Variants in FAM118B observed in about 807,000 individuals in gnomAD.
The protein encoded by FAM118B is SIR2 antiphage like 1, also known as protein FAM118B.
In FAM118B, 24 loss-of-function variants were observed where a neutral mutation model predicts 38.5. The ratio of observed to expected loss-of-function variants is 0.62; its 90% CI spans 0.45 to 0.88. The LOEUF (loss-of-function observed/expected upper bound fraction) is 0.88, where lower values mean the gene tolerates loss of function less well. FAM118B is among the 40% of genes least tolerant of loss of function. FAM118B has a pLI of 0.00. For missense variants in FAM118B, 334 were observed against 420.0 expected, an observed-to-expected ratio of 0.80 and a Z score of 1.79; for synonymous variants, 138 against 156.3, an observed-to-expected ratio of 0.88 and a Z score of 0.87.
intron 1 of FAM118B, among the ~76,000 whole-genome samples, chr11:126,223,583 G>GA (rs35811458): frequency 0.019 from 2,248 of 118,210 alleles, 50 homozygotes; most frequent in African/African-American, 0.047. Flanking sequence ...GCGAAAGAGC[G>GA]AAAAAAAAAA....
chr11:126,250,385 C>G lies in FAM118B; in HGVS notation c.340-121C>G. ...GGATTACAGGCGTGAGCCACTGCGC[C>G]TGGCCTTTATCTCTGTTTTGAATTC... On this transcript the variant is annotated intron_variant, in intron 4 of 8. Coordinates refer to ENST00000533050, the MANE Select transcript of FAM118B (RefSeq NM_024556.4). The surrounding 1 kb of genome is among the most constrained non-coding windows in gnomAD (Gnocchi z 5.1). 1.5e-6 allele frequency: 1 copy of G among 678,666 alleles called. No homozygotes were observed. Among genetic ancestry groups the G allele is most frequent in the Non-Finnish European group, 2.5e-6 (1 of 399,772 alleles). The allele number at this position is 678,666 out of a possible 1,614,324, so 42.0% of individuals were successfully genotyped here.
chr11:126,233,736 C>G (rs1426847231), intron 2 of FAM118B: 1 of 456,246 alleles, frequency 2.2e-6, no homozygotes, highest in Admixed American at 2.4e-5. Context: ...GGATGTGAGC[C>G]TTCTGTTTAC....
Position 126,244,515 on chromosome 11 carries a change from T to C in FAM118B, c.339+3471T>C, listed in dbSNP as rs1950397150. The stretch of plus-strand genomic sequence containing the variant: ...CTAGGAATAAATTTAACGAAAGAAG[T>C]ACAGAAGGCTAGGCGTGGTGGCCCA... On this transcript the variant is annotated intron_variant, in intron 4 of 8. Transcript: ENST00000533050. The surrounding 1 kb of genome is among the most constrained non-coding windows in gnomAD (Gnocchi z 4.5). Among the ~76,000 whole-genome samples the C allele has an allele frequency of 6.6e-6, 1 of 152,162 alleles. No individual in the cohort carries two copies. The highest frequency in any genetic ancestry group is 1.9e-4 in the East Asian group (1 of 5,200).
intron 4 of FAM118B, among the ~76,000 whole-genome samples, chr11:126,249,656 G>A (rs893919545): frequency 1.3e-5 from 2 of 150,970 alleles, no homozygotes; most frequent in Non-Finnish European, 2.9e-5. Flanking sequence ...GCTTGAACCT[G>A]GCGGGGCGGA....
Position 126,250,615 on chromosome 11 carries a change from T to G in FAM118B, c.449T>G (p.Leu150Arg). ...GGAAAACAGCTACTTCAGTCAGTTC[T>G]CCACCTGATGGAAAATGGAGCCCTC... ...DSGKQLLQSV[L>R]HLMENGALVL... Residue 150 changes from leucine (L) to arginine (R), a missense_variant, in exon 5 of 9, where the codon CTC (leucine) becomes CGC (arginine). By Grantham distance (102) the Leu-to-Arg change is moderately radical. This residue lies in a region of FAM118B where 240 missense variants were observed against 295.9 expected (regional missense o/e 0.81). Transcript: ENST00000533050. This position sits in a 1 kb window ranked among gnomAD's most constrained non-coding sequence, Gnocchi z 5.1. The G allele has an allele frequency of 1.2e-6, 2 of 1,614,066 alleles. No individual in the cohort carries two copies. The highest frequency in any genetic ancestry group is 1.7e-6 in the Non-Finnish European group (2 of 1,179,886).
rs145900366 is a variant in FAM118B at position 126,240,905 on chromosome 11, G to A, written c.200G>A (p.Gly67Glu). The A allele has an allele frequency of 1.9e-6, 3 of 1,614,028 alleles. No individual in the cohort carries two copies. The African/African-American group carries it at 4.0e-5, about 22-fold the overall frequency. ...PQVPALKSWK[G>E]LIQALLDAAI... is the part of the protein sequence containing the mutation. ...GTTCCAGCCCTCAAATCCTGGAAGG[G>A]GTTAATTCAGGCCTTACTGGATGCT... Residue 67 changes from glycine (G) to glutamate (E), a missense_variant, in exon 4 of 9, where the codon GGG (glycine) becomes GAG (glutamate). By Grantham distance (98) the Gly-to-Glu change is moderately conservative. Transcript: ENST00000533050.
chr11:126,258,588 AAACT>A (rs1392927946), intron 7 of FAM118B, among the ~76,000 whole-genome samples: 3 of 152,190 alleles, frequency 2.0e-5, no homozygotes, highest in Non-Finnish European at 2.9e-5. Context: ...TCATTTGTGA[AAACT>A]ATTTACTATT....
rs191400953 is a variant in FAM118B, at chr11:126,231,883, T to A, written c.-8+2590T>A. ...AGAAGTATATAACAAATAGTGCTTG[T>A]CACTGGAGAAAGTAGTTTTCCCAGC... On this transcript the variant is annotated intron_variant, in intron 2 of 8. Transcript: ENST00000533050. 3.3e-5 allele frequency among the ~76,000 whole-genome samples: 5 copies of A among 152,334 alleles called. No individual in the cohort carries two copies. The East Asian group carries it at 9.6e-4, about 29-fold the overall frequency.
rs1395394881 is a variant in FAM118B at position 126,211,803 on chromosome 11, T to C, written c.-104T>C. ...GGCTGCGCCGGCCGGTAGCTGCAGC[T>C]GGAGCAGTGGCGTTTGGAGGAGACT... On this transcript the variant is annotated 5_prime_UTR_variant, in exon 1 of 9. Coordinates refer to ENST00000533050, the MANE Select transcript of FAM118B (RefSeq NM_024556.4). 1.4e-6 allele frequency: 1 copy of C among 705,970 alleles called. No individual in the cohort carries two copies. The allele number at this position is 705,970 out of a possible 1,614,324, so 43.7% of individuals were successfully genotyped here.
intron 4 of FAM118B, among the ~76,000 whole-genome samples, chr11:126,249,669 T>TTGCAG (rs1310734907): frequency 6.9e-6 from 1 of 144,334 alleles, no homozygotes. Context: ...GGGGCGGAGG[T>TTGCAG]TGCAGTGAGC....
At chr11:126,211,750 T>C, upstream of FAM118B, 1 of 1,265,136 alleles carries the variant, frequency 7.9e-7, no homozygotes, top group East Asian at 2.3e-5. Flanking sequence ...CCTGGGCGAG[T>C]CACGTGGGGA....
rs1046041734 is a variant in FAM118B at position 126,261,330 on chromosome 11, C to T, written c.983-95C>T. 12 of 947,124 alleles carry T rather than the reference C, an allele frequency of 1.3e-5. 1 individual carries two copies. Among genetic ancestry groups the T allele is most frequent in the South Asian group, 2.8e-5 (2 of 70,958 alleles). 58.7% of individuals were successfully genotyped at this position (947,124 alleles called of 1,614,324 possible). On this transcript the variant is annotated intron_variant, in intron 7 of 8. Transcript: ENST00000533050. Reference sequence around the variant, plus strand: ...TTCTAAATGCCCATTCCTTTTCAGTCGTACCATATGTCCTCATCTCCCTTT... The same window carrying T: ...TTCTAAATGCCCATTCCTTTTCAGTTGTACCATATGTCCTCATCTCCCTTT...
In FAM118B at chr11:126,235,093, CAA is replaced by C. The variant is rs763331324; in HGVS notation, c.86+7_86+8del. 5 of 1,613,016 alleles carry C rather than the reference CAA, an allele frequency of 3.1e-6. No homozygotes were observed. Among genetic ancestry groups the C allele is most frequent in the Non-Finnish European group, 3.4e-6 (4 of 1,179,350 alleles). ...CCTCCCACCAAAAAGCCCAGGTAAACAAGAGAAGGGAATCAGCAGAGTAAATT... is the reference window on the plus strand; with the variant it reads ...CCTCCCACCAAAAAGCCCAGGTAAACGAGAAGGGAATCAGCAGAGTAAATT... On this transcript the variant is annotated splice_region_variant and intron_variant, in intron 3 of 8. Coordinates refer to ENST00000533050, the MANE Select transcript of FAM118B (RefSeq NM_024556.4).
chr11:126,256,785 T>C lies in FAM118B; in HGVS notation c.915T>C (p.Asp305=). The C allele has an allele frequency of 6.2e-7, 1 of 1,614,046 alleles. No individual in the cohort carries two copies. Among genetic ancestry groups the C allele is most frequent in the Non-Finnish European group, 8.5e-7 (1 of 1,179,946 alleles). The change falls in exon 7 of 9, where the codon GAT becomes GAC. Residue 305 remains aspartate, a synonymous_variant. Coordinates refer to ENST00000533050, the MANE Select transcript of FAM118B (RefSeq NM_024556.4). The surrounding 1 kb of genome is among the most constrained non-coding windows in gnomAD (Gnocchi z 6.6). ...DKGIKVISYG[D]DYADLPEYFK... ...GGATTAAAGTCATCTCCTATGGAGA[T>C]GACTATGCCGATCTTCCAGAATATT...
chr11:126,260,490 A>G (rs2135225229), intron 7 of FAM118B: 1 of 149,764 alleles, frequency 6.7e-6, no homozygotes, highest in East Asian at 2.0e-4. Context: ...ATTGACTTTT[A>G]TATTCCAGTA....
intron 7 of FAM118B, chr11:126,260,960 T>A (rs1950680951): frequency 6.4e-6 from 1 of 155,674 alleles, no homozygotes; most frequent in African/African-American, 2.4e-5. Flanking sequence ...ATGGAATTTT[T>A]AATTTGAAAC....
In FAM118B at chr11:126,239,421, A is replaced by G. The variant is rs560048402; in HGVS notation, c.87-1371A>G. Among the ~76,000 whole-genome samples the G allele has an allele frequency of 1.2e-4, 18 of 152,258 alleles. No homozygotes were observed. In the South Asian group the frequency reaches 2.5e-3, roughly 21 times the overall value. On this transcript the variant is annotated intron_variant, in intron 3 of 8. Coordinates refer to ENST00000533050, the MANE Select transcript of FAM118B (RefSeq NM_024556.4). ...ATCTTGTGAATCCTAGAAATTTTCTATGTGTGTGTATATTTGTTTATGTGG... is the reference window on the plus strand; with the variant it reads ...ATCTTGTGAATCCTAGAAATTTTCTGTGTGTGTGTATATTTGTTTATGTGG...
At chr11:126,258,730 T>C (rs1430585902) in intron 7 of FAM118B, among the ~76,000 whole-genome samples, 2 of 152,252 alleles carry the variant, frequency 1.3e-5, no homozygotes, top group Non-Finnish European at 2.9e-5. Context: ...AAGACATACA[T>C]ATCCAAGTTC....
chr11:126,258,680 T>C (rs1334219087), intron 7 of FAM118B, among the ~76,000 whole-genome samples: 2 of 152,332 alleles, frequency 1.3e-5, no homozygotes, highest in East Asian at 1.9e-4. Flanking sequence ...ACTTGAGACT[T>C]TGAGAAGGCT....
Sources: allele counts gnomAD v4.1 joint callset (sites outside exome capture counted in the v4.1 genomes callset), GRCh38; gene constraint gnomAD v4.1.1; regional missense constraint gnomAD v4.1.1; non-coding constraint Gnocchi (gnomAD v3.1); transcripts MANE v1.5; gene names NCBI Gene and HGNC (gene_info 2026-07-23, HGNC 2026-07-21).